The following PCDHA4 variants were observed in gnomAD, a reference collection of about 807,000 sequenced individuals.
The protein encoded by PCDHA4 is protocadherin alpha 4.
PCDHA4 carries 49 observed loss-of-function variants against 61.4 expected under a neutral mutation model. That is an observed-to-expected ratio of 0.80 (90% CI 0.63 to 1.01). PCDHA4 has a LOEUF of 1.01. PCDHA4 is among the 50% of genes least tolerant of loss of function. The pLI, the probability that PCDHA4 is intolerant of heterozygous loss-of-function variation, is 0.00. For synonymous variants in PCDHA4, 590 were observed against 550.3 expected (o/e 1.07, Z -1.01); for missense variants, 1,254 against 1,235.8 (o/e 1.01, Z -0.22).
At chr5:140,988,556 C>A (rs574182013) in intron 3 of PCDHA4, among the ~76,000 whole-genome samples, 1 of 152,158 alleles carries the variant, frequency 6.6e-6, no homozygotes, top group South Asian at 2.1e-4. Flanking sequence ...TCTTCATCTT[C>A]TTCTTGGGAA....
chr5:141,000,361 GTCTCTCTCTCTCTCTC>G (rs148596731), intron 3 of PCDHA4, among the ~76,000 whole-genome samples: 6 of 26,448 alleles, frequency 2.3e-4, no homozygotes, highest in African/African-American at 1.2e-3. Context: ...GTCTCTCTCT[GTCTCTCTCTCTCTCTC>G]TCTCTCTCTC....
At chr5:140,999,138 C>G (rs530740266) in intron 3 of PCDHA4, among the ~76,000 whole-genome samples, 1 of 152,258 alleles carries the variant, frequency 6.6e-6, no homozygotes, top group East Asian at 1.9e-4. Context: ...AATGTCACAG[C>G]CGGAAGTCTT....
In PCDHA4 at chr5:140,830,374, G is replaced by A. The variant is rs150255684; in HGVS notation, c.2385+20802G>A. 1.2e-3 allele frequency: 1,975 copies of A among 1,614,156 alleles called. 3 individuals are homozygous for A. The highest frequency in any genetic ancestry group is 1.6e-3 in the Non-Finnish European group (1,872 of 1,180,020). On this transcript the variant is annotated intron_variant, in intron 1 of 3. Transcript: ENST00000530339. ...AGAGGCGGCAGAGGGTGTGCTCCGG[G>A]GAGGGCCCACCCAAGATGGATCTCA...
chr5:140,913,569 A>G (rs1554195984), intron 1 of PCDHA4, among the ~76,000 whole-genome samples: 1 of 151,952 alleles, frequency 6.6e-6, no homozygotes, highest in Non-Finnish European at 1.5e-5. Flanking sequence ...TATTTTCATC[A>G]TTTCAAATAT....
intron 1 of PCDHA4, among the ~76,000 whole-genome samples, chr5:140,978,316 A>AC (rs1370469532): frequency 5.4e-4 from 83 of 152,358 alleles, no homozygotes; most frequent in African/African-American, 1.9e-3. Context: ...AGGAGCAGGA[A>AC]CAAGTACAAG....
rs1325390456 is a variant in PCDHA4, at chr5:140,928,073, A to G, written c.2386-50876A>G. 8.7e-6 allele frequency: 14 copies of G among 1,614,066 alleles called. No homozygotes were observed. The highest frequency in any genetic ancestry group is 8.0e-5 in the African/African-American group (6 of 74,934). On this transcript the variant is annotated intron_variant, in intron 1 of 3. Coordinates refer to ENST00000530339, the MANE Select transcript of PCDHA4 (RefSeq NM_018907.4). ...CAGCTGACGGCTTCCTTTGACAACTACTACAGCCTGCTGATTGATGGGCCC... is the reference window on the plus strand; with the variant it reads ...CAGCTGACGGCTTCCTTTGACAACTGCTACAGCCTGCTGATTGATGGGCCC...
At chr5:140,881,244 C>T (rs1219638908) in intron 1 of PCDHA4, 9 of 397,012 alleles carry the variant, frequency 2.3e-5, no homozygotes, top group Non-Finnish European at 3.1e-5. Context: ...ATTTAAATGA[C>T]GGCAAGGTTT....
chr5:140,868,238 C>T (rs1413759486), intron 1 of PCDHA4: 6 of 151,984 alleles, frequency 3.9e-5, no homozygotes, highest in African/African-American at 7.2e-5. Flanking sequence ...TCATCTAGAT[C>T]AATAGACTTT....
intron 1 of PCDHA4, among the ~76,000 whole-genome samples, chr5:140,879,471 T>C (rs1320951448): frequency 1.3e-5 from 2 of 152,154 alleles, no homozygotes; most frequent in Non-Finnish European, 2.9e-5. Context: ...AGAATACCGT[T>C]GTGATTGGAA....
intron 1 of PCDHA4, among the ~76,000 whole-genome samples, chr5:140,942,621 A>T (rs1038877515): frequency 1.5e-3 from 44 of 29,368 alleles, no homozygotes; most frequent in African/African-American, 6.9e-3. Flanking sequence ...GCCAATTGTA[A>T]AAAAAAAAAT....
At chr5:140,875,685 C>G (rs563250653) in intron 1 of PCDHA4, 1 of 1,613,816 alleles carries the variant, frequency 6.2e-7, no homozygotes. Context: ...CCAAAAGACA[C>G]GGGGACCTTC....
Position 140,978,929 on chromosome 5 carries a change from C to T in PCDHA4, c.2386-20C>T. 6.2e-7 allele frequency: 1 copy of T among 1,613,998 alleles called. No homozygotes were observed. Among genetic ancestry groups the T allele is most frequent in the Non-Finnish European group, 8.5e-7 (1 of 1,179,996 alleles). On this transcript the variant is annotated intron_variant, in intron 1 of 3. Coordinates refer to ENST00000530339, the MANE Select transcript of PCDHA4 (RefSeq NM_018907.4). ...ATTGTCTTGTCATTTTAACAGAAAACTCTCTTTGTGATTTTGCAGCCACGA... is the reference window on the plus strand; with the variant it reads ...ATTGTCTTGTCATTTTAACAGAAAATTCTCTTTGTGATTTTGCAGCCACGA...
Position 140,929,060 on chromosome 5 carries a change from A to G in PCDHA4, c.2386-49889A>G, listed in dbSNP as rs782222884. 3 of 1,614,188 alleles carry G rather than the reference A, an allele frequency of 1.9e-6. No individual in the cohort carries two copies. In the South Asian group the frequency reaches 3.3e-5, roughly 18 times the overall value. On this transcript the variant is annotated intron_variant, in intron 1 of 3. Transcript: ENST00000530339. ...GCTCAGAGCTGCTGTCGCTCTACAGAGGATCTGAGGTATGGAAGTAAGATG... is the reference window on the plus strand; with the variant it reads ...GCTCAGAGCTGCTGTCGCTCTACAGGGGATCTGAGGTATGGAAGTAAGATG...
chr5:140,909,164 A>T (rs2074347084), intron 1 of PCDHA4, among the ~76,000 whole-genome samples: 1 of 152,238 alleles, frequency 6.6e-6, no homozygotes, highest in South Asian at 2.1e-4. Context: ...AGGGAAAATC[A>T]ATCAAGTTCT....
rs1159995588 is a variant in PCDHA4, at chr5:140,947,341, A to G, written c.2386-31608A>G. ...GGTTGACCATAAATGTGTGGGCTTA[A>G]TTCTGGACTCTATTTCACTCCTTTG... is the stretch of plus-strand genomic sequence containing the variant. On this transcript the variant is annotated intron_variant, in intron 1 of 3. Transcript: ENST00000530339. Among the ~76,000 whole-genome samples the G allele has an allele frequency of 2.6e-5, 4 of 151,804 alleles. No individual in the cohort carries two copies. The South Asian group carries it at 6.2e-4, about 24-fold the overall frequency.
intron 1 of PCDHA4, among the ~76,000 whole-genome samples, chr5:140,880,237 T>C (rs2058279701): frequency 6.6e-6 from 1 of 152,148 alleles, no homozygotes; most frequent in Non-Finnish European, 1.5e-5. Flanking sequence ...AATTAGTGTA[T>C]GTGCGTGTGT....
At chr5:140,971,372 A>G (rs1554233263) in intron 1 of PCDHA4, among the ~76,000 whole-genome samples, 1 of 152,214 alleles carries the variant, frequency 6.6e-6, no homozygotes, top group Non-Finnish European at 1.5e-5. Flanking sequence ...AGGAGAGTGC[A>G]TGACTTTAAT....
chr5:140,924,736 A>C (rs1554202112), intron 1 of PCDHA4, among the ~76,000 whole-genome samples: 1 of 151,866 alleles, frequency 6.6e-6, no homozygotes, highest in Non-Finnish European at 1.5e-5. Flanking sequence ...CTCTAATAAA[A>C]ATACAAAAAT....
rs535720832 is a variant in PCDHA4 at position 140,876,757 on chromosome 5, G to A, written c.2385+67185G>A. On this transcript the variant is annotated intron_variant, in intron 1 of 3. Transcript: ENST00000530339. ...CTATGAGCTGGTGGTGACTGCGCGG[G>A]ATGGGGGCTCGCCTTCGCTGTGGGC... 85 of 1,614,274 alleles carry A rather than the reference G, an allele frequency of 5.3e-5. No individual in the cohort carries two copies. The South Asian group carries it at 8.8e-4, about 17-fold the overall frequency.
Sources: gnomAD v4.1 joint callset for allele counts (sites outside exome capture counted in the v4.1 genomes callset) on GRCh38, gnomAD v4.1.1 for gene constraint, MANE v1.5 for transcripts, NCBI Gene and HGNC (gene_info 2026-07-23, HGNC 2026-07-21) for gene names.